BEST3: variants seen among roughly 807,000 people sequenced by gnomAD.
The protein encoded by BEST3 is bestrophin-3.
BEST3 carries 50 observed loss-of-function variants against 47.1 expected under a neutral mutation model. That is an observed-to-expected ratio of 1.06 (90% confidence interval 0.85 to 1.34). The LOEUF is 1.34. Among genes scored for constraint, BEST3 ranks in the 40% most tolerant of loss-of-function variants. The probability of loss-of-function intolerance (pLI) is 0.00; values close to 1 mark genes in which losing one functional copy is unlikely to be tolerated. For synonymous variants in BEST3, 282 were observed against 298.8 expected, an observed-to-expected ratio of 0.94 and a Z score of 0.58; for missense variants, 765 against 817.0, an observed-to-expected ratio of 0.94 and a Z score of 0.78.
At position 69,668,160 on chromosome 12, in the gene BEST3, T is replaced by C. The variant is rs527650145; in HGVS notation, c.1100+3268A>G. The stretch of plus-strand genomic sequence containing the variant: ...GGTGGCCCTTGGAGAGTAGTACTTT[T>C]GCTCTGTTCTTGAAGGATATTGCTT... On this transcript the variant is annotated intron_variant, in intron 9 of 9. Coordinates refer to ENST00000330891, the MANE Select transcript of BEST3 (RefSeq NM_032735.3). 3.9e-5 allele frequency among the ~76,000 whole-genome samples: 6 copies of C among 152,312 alleles called. No homozygotes were observed. The South Asian group carries it at 1.2e-3, about 32-fold the overall frequency.
chr12:69,694,446 G>T lies in BEST3; in HGVS notation c.171C>A (p.Val57=). ...SLVYRLLLTG[V]QKRYFEKLSI... is the part of the protein sequence containing the mutation. ...ATAATTTTTCAAAGTAACGTTTTTG[G>T]ACTCCTGTAAGTAACAATCTGGAGC... The change falls in exon 3 of 10, where the codon GTC becomes GTA. Residue 57 remains valine (V), a synonymous_variant. Coordinates refer to ENST00000330891, the MANE Select transcript of BEST3 (RefSeq NM_032735.3). 6.2e-7 allele frequency: 1 copy of T among 1,602,820 alleles called. No individual in the cohort carries two copies. The highest frequency in any genetic ancestry group is 1.1e-5 in the South Asian group (1 of 89,914).
rs1332589083 is a variant in BEST3 at position 69,684,555 on chromosome 12, A to G, written c.482-5662T>C. On this transcript the variant is annotated intron_variant, in intron 4 of 9. Coordinates refer to ENST00000330891, the MANE Select transcript of BEST3 (RefSeq NM_032735.3). ...ACGAGGCTCTATTAGCAGAGGAACT[A>G]AAAGCTCTGCATCTCAAAACTTGAA... 6 of 677,870 alleles carry G rather than the reference A, an allele frequency of 8.9e-6. No homozygotes were observed. In the Admixed American group the frequency reaches 1.0e-4, roughly 11 times the overall value. The allele number at this position is 677,870 out of a possible 1,614,324, so 42.0% of individuals were successfully genotyped here.
chr12:69,654,682 C>A lies in BEST3; in HGVS notation c.*225G>T. 7.7e-7 allele frequency: 1 copy of A among 1,302,860 alleles called. No homozygotes were observed. Among genetic ancestry groups the A allele is most frequent in the Non-Finnish European group, 9.7e-7 (1 of 1,026,118 alleles). The allele number at this position is 1,302,860 out of a possible 1,614,324, so 80.7% of individuals were successfully genotyped here. A position where few individuals can be genotyped will look rare whatever the true frequency, so the allele number is the denominator to read the frequency against. On this transcript the variant is annotated 3_prime_UTR_variant, in exon 10 of 10. Transcript: ENST00000330891. Reference sequence around the variant, plus strand: ...GGCTAAATCACTGTGGTCTGTGTAACTTCTGATGAAAGCCATGTTGTGTTG... The same window carrying A: ...GGCTAAATCACTGTGGTCTGTGTAAATTCTGATGAAAGCCATGTTGTGTTG...
intron 9 of BEST3, among the ~76,000 whole-genome samples, chr12:69,662,554 T>TA (rs1234072719): frequency 6.6e-6 from 1 of 152,202 alleles, no homozygotes; most frequent in Non-Finnish European, 1.5e-5. Context: ...GTATAATTAC[T>TA]AAAAAATCAT....
chr12:69,645,079 G>A (rs1882989018), intron 9 of BEST3, among the ~76,000 whole-genome samples: 1 of 152,134 alleles, frequency 6.6e-6, no homozygotes, highest in South Asian at 2.1e-4. Flanking sequence ...TTTCTTTGAT[G>A]ATATTTGGTT....
rs773273015 is a variant in BEST3 at position 69,671,529 on chromosome 12, C to T, written c.999G>A (p.Lys333=). ...DEMHMSLPKM[K]KDIYWDDSAA... ...CAGAATCGTCCCAGTAAATGTCCTT[C>T]TTCATCTTGGGTAAGCTCATGTGCA... Residue 333 remains lysine (K), a synonymous_variant, in exon 9 of 10, where the codon AAG becomes AAA. Coordinates refer to ENST00000330891, the MANE Select transcript of BEST3 (RefSeq NM_032735.3). The T allele has an allele frequency of 6.2e-7, 1 of 1,613,952 alleles. No individual in the cohort carries two copies. Among genetic ancestry groups the T allele is most frequent in the Non-Finnish European group, 8.5e-7 (1 of 1,179,850 alleles).
intron 7 of BEST3, among the ~76,000 whole-genome samples, chr12:69,675,397 T>C (rs1165305792): frequency 6.6e-6 from 1 of 152,200 alleles, no homozygotes; most frequent in Non-Finnish European, 1.5e-5. Flanking sequence ...GTTACAGGCA[T>C]GAGCCACCGC....
At chr12:69,685,490 A>T (rs1885525600) in intron 4 of BEST3, among the ~76,000 whole-genome samples, 1 of 152,204 alleles carries the variant, frequency 6.6e-6, no homozygotes, top group Admixed American at 6.5e-5. Flanking sequence ...GTTTTGAAAA[A>T]TCCTGATGCC....
intron 3 of BEST3, 56 bp from the exon 4 acceptor site, chr12:69,693,963 A>G (rs1336406822): frequency 3.8e-6 from 5 of 1,312,654 alleles, no homozygotes; most frequent in Non-Finnish European, 5.3e-6. Context: ...CGTTGGTGAC[A>G]CTGATGCTTT....
chr12:69,690,959 C>T (rs1346392758), intron 4 of BEST3, among the ~76,000 whole-genome samples: 2 of 152,082 alleles, frequency 1.3e-5, no homozygotes, highest in African/African-American at 2.4e-5. Flanking sequence ...GACCCTCCCC[C>T]TGAATCCCCC....
intron 4 of BEST3, among the ~76,000 whole-genome samples, chr12:69,680,676 T>A (rs1233005765): frequency 6.6e-6 from 1 of 152,142 alleles, no homozygotes; most frequent in African/African-American, 2.4e-5. Flanking sequence ...GCCAAAGGAC[T>A]GTTAGTGGAG....
At chr12:69,661,403 C>T (rs552851014) in intron 9 of BEST3, 2 of 152,302 alleles carry the variant, frequency 1.3e-5, no homozygotes, top group East Asian at 3.9e-4. Context: ...TTCTACTTCT[C>T]ACTGCAGATT....
rs570671675 is a variant in BEST3, at chr12:69,689,887, G to A, written c.481+3787C>T. Among the ~76,000 whole-genome samples the A allele has an allele frequency of 5.3e-5, 8 of 152,250 alleles. No individual in the cohort carries two copies. In the South Asian group the frequency reaches 1.7e-3, roughly 32 times the overall value. On this transcript the variant is annotated intron_variant, in intron 4 of 9. Transcript: ENST00000330891. ...ACCTCGAATCCATCCTTTCTTAATT[G>A]CTGCTGCTTTGTTATCAGTAATGAG... is the stretch of plus-strand genomic sequence containing the variant.
chr12:69,652,056 T>G (rs1042530888), downstream of BEST3, among the ~76,000 whole-genome samples: 1 of 152,222 alleles, frequency 6.6e-6, no homozygotes, highest in African/African-American at 2.4e-5. Flanking sequence ...TTCTTTGTTT[T>G]GCTGGGTGCC....
chr12:69,654,968 A>G lies in BEST3; in HGVS notation c.1946T>C (p.Leu649Pro). 2 of 1,614,068 alleles carry G rather than the reference A, an allele frequency of 1.2e-6. No homozygotes were observed. Among genetic ancestry groups the G allele is most frequent in the Non-Finnish European group, 1.7e-6 (2 of 1,179,992 alleles). Residue 649 changes from leucine to proline, a missense_variant, in exon 10 of 10, where the codon CTG (leucine) becomes CCG (proline). Leu to Pro is a moderately conservative substitution (Grantham distance 98). Transcript: ENST00000330891. ...TATGATATCTGTTTCCTTGGTGTCC[A>G]GGTTTTCCATTAAATACAGCATATC... ...SSDMLYLMEN[L>P]DTKETDIIEL...
At chr12:69,675,933 T>C (rs1427061840) in intron 7 of BEST3, among the ~76,000 whole-genome samples, 1 of 152,214 alleles carries the variant, frequency 6.6e-6, no homozygotes, top group African/African-American at 2.4e-5. Context: ...AAAATTCTAC[T>C]TTACGAATAT....
chr12:69,683,424 C>G (rs1158796931), intron 4 of BEST3: 1 of 152,224 alleles, frequency 6.6e-6, no homozygotes, highest in Non-Finnish European at 1.5e-5. Flanking sequence ...CCCAAAATCA[C>G]TAAGCTAAAG....
At chr12:69,674,161 A>C (rs1884756016) in intron 7 of BEST3, among the ~76,000 whole-genome samples, 1 of 152,162 alleles carries the variant, frequency 6.6e-6, no homozygotes, top group East Asian at 1.9e-4. Context: ...AATGTGTAAA[A>C]TAAAGGCACC....
intron 4 of BEST3, chr12:69,689,044 T>A: frequency 1.0e-6 from 1 of 976,032 alleles, no homozygotes; most frequent in Non-Finnish European, 1.2e-6. Flanking sequence ...TCCCCACCCC[T>A]TTGGGGCCCT....
Sources: gnomAD v4.1 joint callset for allele counts (sites outside exome capture counted in the v4.1 genomes callset) on GRCh38, gnomAD v4.1.1 for gene constraint, MANE v1.5 for transcripts, NCBI Gene and HGNC (gene_info 2026-07-23, HGNC 2026-07-21) for gene names.